FGD4: variants seen among roughly 807,000 people sequenced by gnomAD.
FGD4 encodes FYVE, RhoGEF and PH domain containing 4, also known as FYVE, RhoGEF and PH domain-containing protein 4.
FGD4 carries 42 observed loss-of-function variants against 102.0 expected under a neutral mutation model. The observed-to-expected ratio is 0.41, with a 90% confidence interval of 0.32 to 0.53. The LOEUF (loss-of-function observed/expected upper bound fraction) is 0.53. FGD4 is among the 20% of genes least tolerant of loss of function. The pLI is 0.21. For synonymous variants in FGD4, 380 were observed against 375.7 expected (o/e 1.01, Z -0.13); for missense variants, 902 against 1,078.2 (o/e 0.84, Z 2.29).
In FGD4 at chr12:32,640,488, C is replaced by A. The variant is rs140913910; in HGVS notation, c.2667C>A (p.Ala889=). ...ETPGGPNEHP[A]TLDDHPEPKK... The stretch of plus-strand genomic sequence containing the variant: ...CAGGTGGTCCAAATGAGCATCCAGC[C>A]ACCTTGGATGATCATCCTGAACCTA... Residue 889 remains alanine, a synonymous_variant, in exon 17 of 17, where the codon GCC becomes GCA. Coordinates refer to ENST00000534526, the MANE Select transcript of FGD4 (RefSeq NM_001370298.3). 8 of 1,614,148 alleles carry A rather than the reference C, an allele frequency of 5.0e-6. No individual in the cohort carries two copies. The highest frequency in any genetic ancestry group is 6.8e-6 in the Non-Finnish European group (8 of 1,180,026).
chr12:32,498,805 G>T (rs1004883906), intron 1 of FGD4, among the ~76,000 whole-genome samples: 4 of 152,160 alleles, frequency 2.6e-5, no homozygotes, highest in African/African-American at 9.7e-5. Flanking sequence ...GTTTCACCAT[G>T]TTGGTCAGGC....
At chr12:32,630,005 G>A (rs1319806551) in intron 14 of FGD4, among the ~76,000 whole-genome samples, 2 of 152,036 alleles carry the variant, frequency 1.3e-5, no homozygotes, top group African/African-American at 4.8e-5. Flanking sequence ...AAGTTTTGGC[G>A]TAATGACCGA....
chr12:32,399,785 C>T lies in FGD4; in HGVS notation c.-9C>T. On this transcript the variant is annotated 5_prime_UTR_variant, in exon 1 of 17. Coordinates refer to ENST00000534526, the MANE Select transcript of FGD4 (RefSeq NM_001370298.3). ...GAGGAGTCGGGGAGCGGCGGTCGAG[C>T]CCGGCAGGATGAGCGACGAGGGCGG... The T allele has an allele frequency of 6.5e-7, 1 of 1,529,410 alleles. No individual in the cohort carries two copies. Among genetic ancestry groups the T allele is most frequent in the Non-Finnish European group, 8.7e-7 (1 of 1,144,828 alleles). 94.7% of individuals were successfully genotyped at this position (1,529,410 alleles called of 1,614,324 possible).
intron 1 of FGD4, among the ~76,000 whole-genome samples, chr12:32,406,663 A>G (rs1367718359): frequency 1.3e-5 from 2 of 152,132 alleles, no homozygotes; most frequent in African/African-American, 4.8e-5. Context: ...TATATTAGAT[A>G]ATTCTGATGA....
intron 1 of FGD4, among the ~76,000 whole-genome samples, chr12:32,481,322 A>G (rs1014506530): frequency 2.6e-5 from 4 of 152,010 alleles, no homozygotes; most frequent in African/African-American, 9.7e-5. Context: ...TGCCAAATAC[A>G]TTGTGGCAAT....
chr12:32,550,450 G>A (rs117355430), intron 1 of FGD4, among the ~76,000 whole-genome samples: 2 of 152,074 alleles, frequency 1.3e-5, no homozygotes, highest in South Asian at 4.2e-4. Flanking sequence ...CAGTAGGATC[G>A]CTTGAGCCCA....
At chr12:32,492,202 T>C (rs773874827) in intron 1 of FGD4, among the ~76,000 whole-genome samples, 3 of 152,246 alleles carry the variant, frequency 2.0e-5, no homozygotes, top group Non-Finnish European at 2.9e-5. Context: ...GAAATGAATG[T>C]ATTGACATTT....
At chr12:32,419,737 A>G (rs756822256) in intron 1 of FGD4, among the ~76,000 whole-genome samples, 77 of 152,198 alleles carry the variant, frequency 5.1e-4, no homozygotes, top group Non-Finnish European at 9.1e-4. Context: ...TGGGAACTCA[A>G]GCTCTGACTG....
At chr12:32,422,696 A>G (rs1044374203) in intron 1 of FGD4, among the ~76,000 whole-genome samples, 1 of 152,178 alleles carries the variant, frequency 6.6e-6, no homozygotes, top group Non-Finnish European at 1.5e-5. Flanking sequence ...CCCAGACTAT[A>G]TAACTGAGAA....
chr12:32,403,514 A>T (rs902690706), intron 1 of FGD4, among the ~76,000 whole-genome samples: 20 of 149,040 alleles, frequency 1.3e-4, no homozygotes, highest in African/African-American at 5.0e-4. Context: ...AATCACTACA[A>T]GCCATGAGTT....
chr12:32,483,330 C>T (rs1565768684), intron 1 of FGD4, among the ~76,000 whole-genome samples: 1 of 152,144 alleles, frequency 6.6e-6, no homozygotes, highest in Non-Finnish European at 1.5e-5. Context: ...CACAATCACA[C>T]ATCTATGGGT....
At chr12:32,580,025 T>C (rs1946477105) in intron 3 of FGD4, among the ~76,000 whole-genome samples, 1 of 152,226 alleles carries the variant, frequency 6.6e-6, no homozygotes, top group Non-Finnish European at 1.5e-5. Flanking sequence ...TTTATCCCGT[T>C]ACCTGCACAG....
At chr12:32,564,458 ATTTG>A (rs946126567) in intron 2 of FGD4, among the ~76,000 whole-genome samples, 169 bp downstream of exon 2, 1 of 152,148 alleles carries the variant, frequency 6.6e-6, no homozygotes, top group Middle Eastern at 3.2e-3. Flanking sequence ...AGAGGTTGCT[ATTTG>A]TTCTGCTCCT....
intron 1 of FGD4, among the ~76,000 whole-genome samples, chr12:32,415,826 A>C (rs1941391179): frequency 3.9e-5 from 6 of 152,216 alleles, no homozygotes; most frequent in Middle Eastern, 3.4e-3. Context: ...GTTTTCTTAC[A>C]GTTTTTCTCT....
rs551853714 is a variant in FGD4 at position 32,472,312 on chromosome 12, A to G, written c.166+72353A>G. Among the ~76,000 whole-genome samples, 431 of 152,204 alleles carry G rather than the reference A, an allele frequency of 2.8e-3. 1 individual carries two copies. Among genetic ancestry groups the G allele is most frequent in the African/African-American group, 5.6e-3 (231 of 41,528 alleles). ...GGAGGGAGAGGCACGAGCGGGAACC[A>G]GGGCTGCGTGTGGCGCTTGCGGGCC... On this transcript the variant is annotated intron_variant, in intron 1 of 16. Coordinates refer to ENST00000534526, the MANE Select transcript of FGD4 (RefSeq NM_001370298.3).
At chr12:32,553,595 C>A (rs1592197109) in intron 1 of FGD4, among the ~76,000 whole-genome samples, 1 of 152,184 alleles carries the variant, frequency 6.6e-6, no homozygotes, top group Non-Finnish European at 1.5e-5. Context: ...CTCATCCAAC[C>A]ATGAGACCTT....
rs1592521792 is a variant in FGD4 at position 32,642,906 on chromosome 12, T to A, written c.*2373T>A. 6.6e-6 allele frequency: 1 copy of A among 152,540 alleles called. No individual in the cohort carries two copies. The highest frequency in any genetic ancestry group is 1.5e-5 in the Non-Finnish European group (1 of 67,938). 9.4% of individuals were successfully genotyped at this position (152,540 alleles called of 1,614,324 possible). A position where few individuals can be genotyped will look rare whatever the true frequency, so the allele number is the denominator to read the frequency against. ...CCAAGAGACCTCAAAGTGTGATTGATGATAAGAATAATCAATGCCTTTTCC... is the reference window on the plus strand; with the variant it reads ...CCAAGAGACCTCAAAGTGTGATTGAAGATAAGAATAATCAATGCCTTTTCC... On this transcript the variant is annotated 3_prime_UTR_variant, in exon 17 of 17. Coordinates refer to ENST00000534526, the MANE Select transcript of FGD4 (RefSeq NM_001370298.3).
At chr12:32,585,851 AAAAAAAAAAG>A (rs1300097579) in intron 4 of FGD4, among the ~76,000 whole-genome samples, 2 of 150,916 alleles carry the variant, frequency 1.3e-5, no homozygotes, top group Non-Finnish European at 2.9e-5. Context: ...AAAAAAAAAA[AAAAAAAAAAG>A]GGAAATGCAG....
intron 1 of FGD4, among the ~76,000 whole-genome samples, chr12:32,552,363 G>A (rs1007425610): frequency 6.6e-6 from 1 of 151,388 alleles, no homozygotes; most frequent in Non-Finnish European, 1.5e-5. Flanking sequence ...AGGTTCAAGC[G>A]ATTCTCCTGC....
Sources: gnomAD v4.1 joint callset for allele counts (sites outside exome capture counted in the v4.1 genomes callset) on GRCh38, gnomAD v4.1.1 for gene constraint, MANE v1.5 for transcripts, NCBI Gene and HGNC (gene_info 2026-07-23, HGNC 2026-07-21) for gene names.